The following SERPINB7 variants were observed in gnomAD, a reference collection of about 807,000 sequenced individuals.
The protein encoded by SERPINB7 is serpin family B member 7, also known as serpin B7.
In SERPINB7, 31 loss-of-function variants were observed where a neutral mutation model predicts 37.4. The observed-to-expected ratio is 0.83, with a 90% confidence interval of 0.62 to 1.12. The LOEUF (loss-of-function observed/expected upper bound fraction) is 1.12, where lower values mean the gene tolerates loss of function less well. Among genes scored for constraint, SERPINB7 ranks in the 50% most tolerant of loss-of-function variants. The pLI is 0.00. For synonymous variants in SERPINB7, 163 were observed against 166.1 expected, an observed-to-expected ratio of 0.98 and a Z score of 0.14; for missense variants, 521 against 455.3, an observed-to-expected ratio of 1.14 and a Z score of -1.31.
chr18:63,782,333 T>C, intron 1 of SERPINB7, 22 bp from the exon 2 acceptor site: 1 of 1,379,350 alleles, frequency 7.2e-7, no homozygotes, highest in Non-Finnish European at 9.6e-7. Flanking sequence ...GGAACTAATT[T>C]CATTTTCTCA....
chr18:63,775,161 C>A (rs1015188525), upstream of SERPINB7, among the ~76,000 whole-genome samples: 1 of 152,054 alleles, frequency 6.6e-6, no homozygotes, highest in African/African-American at 2.4e-5. Flanking sequence ...TATGTTTTGA[C>A]CCAGGCTGAC....
intron 5 of SERPINB7, among the ~76,000 whole-genome samples, chr18:63,797,985 C>T (rs1289468698): frequency 6.6e-6 from 1 of 152,224 alleles, no homozygotes; most frequent in African/African-American, 2.4e-5. Flanking sequence ...AGTTGGGTGA[C>T]TTTAATCTGT....
chr18:63,782,688 G>A (rs988481040), intron 2 of SERPINB7, 148 bp downstream of exon 2: 2 of 717,330 alleles, frequency 2.8e-6, no homozygotes, highest in Non-Finnish European at 4.4e-6. Context: ...CTCTTTGGGT[G>A]TGAAGAAAGC....
At chr18:63,803,595 G>A (rs1390544928) in intron 7 of SERPINB7, among the ~76,000 whole-genome samples, 1 of 152,200 alleles carries the variant, frequency 6.6e-6, no homozygotes, top group Non-Finnish European at 1.5e-5. Flanking sequence ...TCTTCTAGCT[G>A]TGTAACTAAG....
chr18:63,782,639 G>A (rs2049312929), intron 2 of SERPINB7, 99 bp downstream of exon 2: 2 of 1,193,726 alleles, frequency 1.7e-6, no homozygotes, highest in South Asian at 1.6e-5. Flanking sequence ...GTCATCATGA[G>A]GCACAAGGTG....
chr18:63,760,139 T>C (rs1367598837), intron 1 of SERPINB7, among the ~76,000 whole-genome samples: 4 of 152,200 alleles, frequency 2.6e-5, no homozygotes, highest in Admixed American at 2.6e-4. Context: ...TTGCCCAAAA[T>C]GCTGATAGCA....
intron 2 of SERPINB7, among the ~76,000 whole-genome samples, chr18:63,784,329 C>G (rs975207654): frequency 6.6e-6 from 1 of 152,144 alleles, no homozygotes; most frequent in Non-Finnish European, 1.5e-5. Context: ...CCTGGCCTCT[C>G]ATCAACAACT....
rs777750780 is a variant in SERPINB7 at position 63,804,401 on chromosome 18, C to T, written c.909C>T (p.Ser303=). The T allele has an allele frequency of 5.0e-6, 8 of 1,613,472 alleles. No individual in the cohort carries two copies. The East Asian group carries it at 1.6e-4, about 31-fold the overall frequency. Residue 303 remains serine, a synonymous_variant, in exon 8 of 8, where the codon TCC becomes TCT. Coordinates refer to ENST00000398019, the MANE Select transcript of SERPINB7 (RefSeq NM_003784.4). ...GGCTGAAAGATATCTTTGATGAATC[C>T]AAAGCAGATCTCTCTGGGATTGCTT... ...ALGLKDIFDE[S]KADLSGIASG...
intron 1 of SERPINB7, among the ~76,000 whole-genome samples, chr18:63,780,535 T>G (rs961810963): frequency 4.6e-5 from 7 of 152,202 alleles, no homozygotes; most frequent in African/African-American, 1.7e-4. Flanking sequence ...TTTCATTGTT[T>G]CTCGTCTCCT....
intron 4 of SERPINB7, 48 bp downstream of exon 4, chr18:63,793,325 A>G (rs1472632551): frequency 2.0e-6 from 2 of 981,700 alleles, no homozygotes; most frequent in Non-Finnish European, 3.2e-6. Context: ...TGTTAAATCC[A>G]TTATCTGAAC....
intron 1 of SERPINB7, among the ~76,000 whole-genome samples, chr18:63,755,023 C>A (rs931665019): frequency 6.6e-5 from 10 of 152,024 alleles, no homozygotes; most frequent in Admixed American, 4.6e-4. Flanking sequence ...CCTCAGCCTC[C>A]CGAGTAGCTG....
chr18:63,771,690 A>G (rs1264175501), upstream of SERPINB7, among the ~76,000 whole-genome samples: 2 of 152,070 alleles, frequency 1.3e-5, no homozygotes, highest in African/African-American at 4.8e-5. Flanking sequence ...CTGAGTTGAA[A>G]GGGTTTACTT....
intron 1 of SERPINB7, among the ~76,000 whole-genome samples, chr18:63,756,832 G>GTGTGTA (rs1447338907): frequency 6.6e-6 from 1 of 151,490 alleles, no homozygotes; most frequent in Non-Finnish European, 1.5e-5. Context: ...GTGTGTGTGT[G>GTGTGTA]TGTGTGTGTG....
At chr18:63,785,889 T>C (rs906071288) in intron 2 of SERPINB7, among the ~76,000 whole-genome samples, 2 of 136,062 alleles carry the variant, frequency 1.5e-5, no homozygotes, top group South Asian at 2.3e-4. Context: ...GCTTTATATA[T>C]ATATATAATA....
chr18:63,788,381 A>G (rs2049394321), intron 2 of SERPINB7, among the ~76,000 whole-genome samples: 1 of 152,250 alleles, frequency 6.6e-6, no homozygotes, highest in African/African-American at 2.4e-5. Flanking sequence ...AAATAAATAC[A>G]GCTCATAGGA....
intron 1 of SERPINB7, among the ~76,000 whole-genome samples, chr18:63,767,419 A>G (rs1006358413): frequency 6.6e-6 from 1 of 152,162 alleles, no homozygotes; most frequent in South Asian, 2.1e-4. Flanking sequence ...TTCCCAGATC[A>G]ATCTGTTGAT....
intron 1 of SERPINB7, among the ~76,000 whole-genome samples, chr18:63,776,279 A>AC (rs1028450242): frequency 4.6e-5 from 7 of 150,662 alleles, no homozygotes; most frequent in Admixed American, 6.6e-5. Flanking sequence ...AACCTCTAAA[A>AC]CCTCCCTCCC....
chr18:63,803,999 G>T (rs2144650673), intron 7 of SERPINB7, among the ~76,000 whole-genome samples: 1 of 152,204 alleles, frequency 6.6e-6, no homozygotes, highest in Middle Eastern at 3.4e-3. Flanking sequence ...ATTGCCCTAA[G>T]GTGCAAATAA....
chr18:63,799,247 A>G (rs2689398), intron 6 of SERPINB7, among the ~76,000 whole-genome samples: 18,468 of 152,128 alleles, frequency 0.12, 1,865 homozygotes, highest in East Asian at 0.42. Flanking sequence ...TTTTGATCTA[A>G]AACATCTTAT....
Sources: gnomAD v4.1 joint callset for allele counts (sites outside exome capture counted in the v4.1 genomes callset) on GRCh38, gnomAD v4.1.1 for gene constraint, MANE v1.5 for transcripts, NCBI Gene and HGNC (gene_info 2026-07-23, HGNC 2026-07-21) for gene names.